The following PCDHGA7 variants were observed in gnomAD, a reference collection of about 807,000 sequenced individuals.
PCDHGA7 encodes the protein protocadherin gamma-A7.
Under a neutral mutation model 58.3 loss-of-function variants are expected in PCDHGA7, and 44 were observed. That is an observed-to-expected ratio of 0.75 (90% CI 0.59 to 0.97). The LOEUF is 0.97. PCDHGA7 is among the 50% of genes least tolerant of loss of function. The pLI is 0.00. For missense variants in PCDHGA7, 1,266 were observed against 1,188.7 expected, an observed-to-expected ratio of 1.06 and a Z score of -0.96; for synonymous variants, 516 against 504.2, an observed-to-expected ratio of 1.02 and a Z score of -0.31.
intron 1 of PCDHGA7, chr5:141,412,074 A>G (rs751287485): frequency 2.0e-5 from 3 of 152,184 alleles, no homozygotes; most frequent in Non-Finnish European, 4.4e-5. Context: ...TGAGGGAACA[A>G]TTGCTACTGG....
At position 141,485,074 on chromosome 5, in the gene PCDHGA7, G is replaced by T. The variant is rs2099606548; in HGVS notation, c.2425-9733G>T. On this transcript the variant is annotated intron_variant, in intron 1 of 3. Transcript: ENST00000518325. The surrounding 1 kb of genome is among the most constrained non-coding windows in gnomAD (Gnocchi z 5.7). ...GGCCGAACCGCGCCAGAGCTGGCGCGGGGAAAGGGAGATAGGTGTCTCCAG... is the reference window on the plus strand; with the variant it reads ...GGCCGAACCGCGCCAGAGCTGGCGCTGGGAAAGGGAGATAGGTGTCTCCAG... The T allele has an allele frequency of 2.2e-6, 2 of 926,946 alleles. No homozygotes were observed. The highest frequency in any genetic ancestry group is 3.4e-6 in the Non-Finnish European group (2 of 596,630). 57.4% of individuals were successfully genotyped at this position (926,946 alleles called of 1,614,324 possible). A position where few individuals can be genotyped will look rare whatever the true frequency, so the allele number is the denominator to read the frequency against.
chr5:141,383,723 G>A lies in PCDHGA7; in HGVS notation c.824G>A (p.Gly275Glu). Residue 275 changes from glycine to glutamate, a missense_variant, in exon 1 of 4, where the codon GGG becomes GAG. By Grantham distance (98) the Gly-to-Glu change is moderately conservative (BLOSUM62 -2). Coordinates refer to ENST00000518325, the MANE Select transcript of PCDHGA7 (RefSeq NM_018920.4). The part of the protein sequence containing the change: ...HAIDLDEGVN[G>E]EVTYSFRKIT... ...ATCGACCTGGACGAGGGAGTCAATG[G>A]GGAAGTGACATATTCTTTTCGGAAA... The A allele has an allele frequency of 6.2e-7, 1 of 1,613,946 alleles. No individual in the cohort carries two copies.
intron 1 of PCDHGA7, among the ~76,000 whole-genome samples, chr5:141,467,665 G>T (rs1205474808): frequency 4.6e-5 from 7 of 152,040 alleles, no homozygotes; most frequent in Non-Finnish European, 1.0e-4. Flanking sequence ...AGTGCCAGAA[G>T]ATTTTTATTT....
chr5:141,404,849 C>G, intron 1 of PCDHGA7: 1 of 1,613,862 alleles, frequency 6.2e-7, no homozygotes, highest in Non-Finnish European at 8.5e-7. Context: ...TCGGGCCCTG[C>G]TAGATAGAGA....
In PCDHGA7 at chr5:141,471,102, G is replaced by A. The variant is rs922174682; in HGVS notation, c.2425-23705G>A. 3.4e-5 allele frequency among the ~76,000 whole-genome samples: 5 copies of A among 146,522 alleles called. No individual in the cohort carries two copies. The Admixed American group carries it at 3.5e-4, about 10-fold the overall frequency. On this transcript the variant is annotated intron_variant, in intron 1 of 3. Coordinates refer to ENST00000518325, the MANE Select transcript of PCDHGA7 (RefSeq NM_018920.4). ...CTCCCTCTGTTGTCCAGGCTAGAGTGCAGTGGTGCGATCTTACCTTCACTG... is the reference window on the plus strand; with the variant it reads ...CTCCCTCTGTTGTCCAGGCTAGAGTACAGTGGTGCGATCTTACCTTCACTG...
Position 141,431,464 on chromosome 5 carries a change from G to GA in PCDHGA7, c.2424+46143dup, listed in dbSNP as rs1561852795. 1 of 1,613,782 alleles carries GA rather than the reference G, an allele frequency of 6.2e-7. No homozygotes were observed. Among genetic ancestry groups the GA allele is most frequent in the Non-Finnish European group, 8.5e-7 (1 of 1,179,972 alleles). ...GCATCCGCGTGATGGTTCTGGATGC[G>GA]AACGACAACGCACCAGCGTTTGCTC... On this transcript the variant is annotated intron_variant, in intron 1 of 3. Coordinates refer to ENST00000518325, the MANE Select transcript of PCDHGA7 (RefSeq NM_018920.4). This position sits in a 1 kb window ranked among gnomAD's most constrained non-coding sequence, Gnocchi z 4.8.
At chr5:141,481,323 C>T (rs539518691) in intron 1 of PCDHGA7, among the ~76,000 whole-genome samples, 1 of 152,284 alleles carries the variant, frequency 6.6e-6, no homozygotes, top group Non-Finnish European at 1.5e-5. Flanking sequence ...AAAGCACTAG[C>T]CCCTGGACAA....
chr5:141,417,954 C>G, intron 1 of PCDHGA7: 2 of 1,613,600 alleles, frequency 1.2e-6, no homozygotes, highest in South Asian at 1.1e-5. Flanking sequence ...CTGTGTGAGC[C>G]GATCCGCTAC....
intron 1 of PCDHGA7, chr5:141,419,537 C>G (rs368875631): frequency 1.2e-6 from 2 of 1,612,040 alleles, no homozygotes; most frequent in Non-Finnish European, 1.7e-6. Flanking sequence ...CGACAACGCA[C>G]CGCGGGTGCT....
At chr5:141,464,137 C>T (rs1015442185) in intron 1 of PCDHGA7, among the ~76,000 whole-genome samples, 9 of 151,928 alleles carry the variant, frequency 5.9e-5, no homozygotes, top group Non-Finnish European at 7.4e-5. Context: ...TGGTGGTGGG[C>T]GCCTGTAGTC....
At chr5:141,465,767 T>A (rs1427458413) in intron 1 of PCDHGA7, among the ~76,000 whole-genome samples, 1 of 152,016 alleles carries the variant, frequency 6.6e-6, no homozygotes, top group Non-Finnish European at 1.5e-5. Context: ...TCATGTTTCA[T>A]CTCTTGTTAC....
At chr5:141,407,625 T>C (rs1354209573) in intron 1 of PCDHGA7, among the ~76,000 whole-genome samples, 2 of 152,220 alleles carry the variant, frequency 1.3e-5, no homozygotes, top group African/African-American at 4.8e-5. Context: ...ACATTCTATA[T>C]CTCGTATTAC....
At chr5:141,462,203 G>T (rs544238255) in intron 1 of PCDHGA7, among the ~76,000 whole-genome samples, 2 of 152,036 alleles carry the variant, frequency 1.3e-5, no homozygotes, top group African/African-American at 4.8e-5. Flanking sequence ...CAGGTGATCC[G>T]CCTGCCTCGG....
At chr5:141,393,972 C>G in intron 1 of PCDHGA7, 1 of 1,613,790 alleles carries the variant, frequency 6.2e-7, no homozygotes, top group South Asian at 1.1e-5. Flanking sequence ...CTGTTACACA[C>G]GTGATAATTT....
Position 141,443,253 on chromosome 5 carries a change from G to A in PCDHGA7, c.2425-51554G>A, listed in dbSNP as rs192939862. 1.8e-4 allele frequency among the ~76,000 whole-genome samples: 28 copies of A among 152,214 alleles called. No individual in the cohort carries two copies. The Middle Eastern group carries it at 0.014, about 74-fold the overall frequency. On this transcript the variant is annotated intron_variant, in intron 1 of 3. Transcript: ENST00000518325. Reference sequence around the variant, plus strand: ...CTTAGCACTTTGGGGCGCCAAGGCGGGTGGATCACTTGAGCCCAGGAGTTT... The same window carrying A: ...CTTAGCACTTTGGGGCGCCAAGGCGAGTGGATCACTTGAGCCCAGGAGTTT...
At chr5:141,403,589 A>ACGGCCT in intron 1 of PCDHGA7, 2 of 1,613,812 alleles carry the variant, frequency 1.2e-6, no homozygotes, top group Non-Finnish European at 1.7e-6. Context: ...CCTGGTCCTC[A>ACGGCCT]CGGCCTCGGA....
chr5:141,475,202 G>T (rs746895166), intron 1 of PCDHGA7, among the ~76,000 whole-genome samples: 38 of 152,086 alleles, frequency 2.5e-4, no homozygotes, highest in Non-Finnish European at 5.3e-4. Context: ...CAAGATCTTG[G>T]GAAAAGGATT....
At chr5:141,430,551 C>T (rs2097292247) in intron 1 of PCDHGA7, 2 of 406,412 alleles carry the variant, frequency 4.9e-6, no homozygotes, top group Admixed American at 4.1e-5. Context: ...CCGCTGTTCA[C>T]CAATCGGGGA....
chr5:141,443,827 G>A (rs1425599112), intron 1 of PCDHGA7, among the ~76,000 whole-genome samples: 1 of 152,054 alleles, frequency 6.6e-6, no homozygotes, highest in African/African-American at 2.4e-5. Context: ...ACATAATTAG[G>A]TAAAATGGGT....
Sources: gnomAD v4.1 joint callset for allele counts (sites outside exome capture counted in the v4.1 genomes callset) on GRCh38, gnomAD v4.1.1 for gene constraint, Gnocchi (gnomAD v3.1) non-coding constraint, MANE v1.5 for transcripts, NCBI Gene and HGNC (gene_info 2026-07-23, HGNC 2026-07-21) for gene names.